The following TBX20 variants were observed in gnomAD, a reference collection of about 807,000 sequenced individuals.
The protein encoded by TBX20 is T-box transcription factor TBX20.
TBX20 carries 8 observed loss-of-function variants against 42.9 expected under a neutral mutation model. The ratio of observed to expected loss-of-function variants is 0.19; its 90% CI spans 0.11 to 0.34. The LOEUF is 0.34. Ranked by LOEUF, TBX20 falls within the 10% of genes least tolerant of loss-of-function variation. The pLI is 1.00. For synonymous variants in TBX20, 198 were observed against 222.8 expected (o/e 0.89, Z 0.99); for missense variants, 411 against 566.0 (o/e 0.73, Z 2.78).
intron 6 of TBX20, among the ~76,000 whole-genome samples, chr7:35,218,769 T>A (rs1789632077): frequency 2.0e-5 from 3 of 152,176 alleles, no homozygotes; most frequent in African/African-American, 7.2e-5. Context: ...CCCCTAAAGA[T>A]TCACGTGTTG....
rs759458240 is a variant in TBX20, at chr7:35,253,610, G to T, written c.11C>A (p.Thr4Lys). 16 of 1,611,676 alleles carry T rather than the reference G, an allele frequency of 9.9e-6. No individual in the cohort carries two copies. Among genetic ancestry groups the T allele is most frequent in the Non-Finnish European group, 1.3e-5 (15 of 1,179,960 alleles). ...GGAGAGTTGGGGCTTGGGGGACGCCGTGAACTCCATGGTCCCCAGCACGCG... is the reference window on the plus strand; with the variant it reads ...GGAGAGTTGGGGCTTGGGGGACGCCTTGAACTCCATGGTCCCCAGCACGCG... Reference protein sequence around the residue: MEFTASPKPQLSSR... With the variant: MEFKASPKPQLSSR... Residue 4 changes from threonine (T) to lysine (K), a missense_variant, in exon 1 of 8, where the codon ACG becomes AAG. By Grantham distance (78) the Thr-to-Lys change is moderately conservative. This residue lies in a region of TBX20 where 114 missense variants were observed against 128.0 expected (regional missense o/e 0.89). Coordinates refer to ENST00000408931, the MANE Select transcript of TBX20 (RefSeq NM_001077653.2).
chr7:35,225,677 C>A (rs1418573274), intron 6 of TBX20, among the ~76,000 whole-genome samples: 1 of 152,162 alleles, frequency 6.6e-6, no homozygotes, highest in Non-Finnish European at 1.5e-5. Context: ...GAATATGTGT[C>A]TTTGAATACT....
Position 35,249,955 on chromosome 7 carries a change from C to T in TBX20, c.376G>A (p.Gly126Ser). 6.2e-7 allele frequency: 1 copy of T among 1,601,882 alleles called. No homozygotes were observed. Among genetic ancestry groups the T allele is most frequent in the South Asian group, 1.1e-5 (1 of 89,060 alleles). ...LGTEMIITKSGRRMFPTIRVS... is the reference protein window; with the variant it reads ...LGTEMIITKSSRRMFPTIRVS... Reference sequence around the variant, plus strand: ...CAACCCCCAAGTCCCAACTACCTGCCCGACTTGGTGATGATCATCTCGGTG... The same window carrying T: ...CAACCCCCAAGTCCCAACTACCTGCTCGACTTGGTGATGATCATCTCGGTG... Residue 126 changes from glycine (G) to serine (S), a missense_variant, in exon 2 of 8, where the codon GGC (glycine) becomes AGC (serine). Around this residue, in one of 5 missense-constraint regions of TBX20, gnomAD observed 12 missense variants for 41.4 expected, o/e 0.29. Transcript: ENST00000408931. The surrounding 1 kb of genome is among the most constrained non-coding windows in gnomAD (Gnocchi z 4.3).
chr7:35,238,958 T>C (rs970842836), intron 5 of TBX20, among the ~76,000 whole-genome samples: 15 of 152,004 alleles, frequency 9.9e-5, no homozygotes, highest in Non-Finnish European at 1.3e-4. Flanking sequence ...CATAACCACA[T>C]GTCTTATTTA....
Position 35,249,894 on chromosome 7 carries a change from ACCCAGGGAGTGTC to A in TBX20, c.380+44_380+56del. ...CTAGTTCCTGGAAGCACCCTCAACTACCCAGGGAGTGTCCTGACTCTCCACCCCCAACCCCCAA... is the reference window on the plus strand; with the variant it reads ...CTAGTTCCTGGAAGCACCCTCAACTACTGACTCTCCACCCCCAACCCCCAA... On this transcript the variant is annotated intron_variant, in intron 2 of 7. Coordinates refer to ENST00000408931, the MANE Select transcript of TBX20 (RefSeq NM_001077653.2). The surrounding 1 kb of genome is among the most constrained non-coding windows in gnomAD (Gnocchi z 4.3). 6.4e-7 allele frequency: 1 copy of A among 1,552,386 alleles called. No individual in the cohort carries two copies. Among genetic ancestry groups the A allele is most frequent in the Non-Finnish European group, 8.7e-7 (1 of 1,145,234 alleles).
chr7:35,221,767 T>C (rs565891193), intron 6 of TBX20, among the ~76,000 whole-genome samples: 35 of 152,244 alleles, frequency 2.3e-4, no homozygotes, highest in African/African-American at 7.7e-4. Context: ...ATTCCAATAA[T>C]TGAAGAGAGT....
chr7:35,245,299 A>AGCAAG (rs1484406185), intron 3 of TBX20, among the ~76,000 whole-genome samples: 8 of 139,224 alleles, frequency 5.7e-5, no homozygotes, highest in Non-Finnish European at 9.4e-5. Context: ...TTAAAAGCTG[A>AGCAAG]GCAAGGCATT....
chr7:35,224,498 C>G (rs1789736999), intron 6 of TBX20, among the ~76,000 whole-genome samples: 1 of 152,298 alleles, frequency 6.6e-6, no homozygotes, highest in South Asian at 2.1e-4. Flanking sequence ...CATGGAGAAA[C>G]TCTGTCTCTA....
At chr7:35,222,244 T>A (rs1789695650) in intron 6 of TBX20, among the ~76,000 whole-genome samples, 1 of 152,214 alleles carries the variant, frequency 6.6e-6, no homozygotes, top group African/African-American at 2.4e-5. Flanking sequence ...GTTATATGAT[T>A]ATTTTGAAAT....
chr7:35,229,412 T>C (rs113619744), intron 6 of TBX20, among the ~76,000 whole-genome samples: 1 of 152,150 alleles, frequency 6.6e-6, no homozygotes, highest in Non-Finnish European at 1.5e-5. Flanking sequence ...AGGCTGTTTA[T>C]GAAAAATTCA....
intron 6 of TBX20, among the ~76,000 whole-genome samples, chr7:35,227,412 C>T (rs373227631): frequency 6.6e-6 from 1 of 152,114 alleles, no homozygotes. Flanking sequence ...GCTCCATTCA[C>T]GGTGAGTGCC....
At chr7:35,244,833 A>C in intron 4 of TBX20, 116 bp downstream of exon 4, 1 of 742,860 alleles carries the variant, frequency 1.3e-6, no homozygotes, top group Non-Finnish European at 2.4e-6. Flanking sequence ...AATGACTCAG[A>C]GATAGAAGGT....
Position 35,248,705 on chromosome 7 carries a change from C to T in TBX20, c.517G>A (p.Gly173Ser). 1 of 1,613,062 alleles carries T rather than the reference C, an allele frequency of 6.2e-7. No homozygotes were observed. ...AYHRSSWLVA[G>S]KADPPLPARL... is the part of the protein sequence containing the mutation. ...GCTGGCAACGGCGGGTCGGCCTTGC[C>T]AGCCACCAGCCAGGAGGACCGGTGG... The change falls in exon 3 of 8, where the codon GGC becomes AGC. Residue 173 changes from glycine to serine, a missense_variant. Gly to Ser is a moderately conservative substitution (Grantham distance 56). Coordinates refer to ENST00000408931, the MANE Select transcript of TBX20 (RefSeq NM_001077653.2).
intron 5 of TBX20, among the ~76,000 whole-genome samples, chr7:35,234,881 T>C (rs1482324338): frequency 2.0e-5 from 3 of 152,114 alleles, no homozygotes; most frequent in Admixed American, 2.0e-4. Context: ...TTATGGGGTA[T>C]TAATAATTAG....
intron 6 of TBX20, among the ~76,000 whole-genome samples, chr7:35,221,834 G>A (rs1274811299): frequency 6.6e-6 from 1 of 152,116 alleles, no homozygotes; most frequent in African/African-American, 2.4e-5. Flanking sequence ...AAAAATAATT[G>A]TGGCCAATCT....
At chr7:35,232,331 G>A (rs1789881677) in intron 5 of TBX20, among the ~76,000 whole-genome samples, 2 of 152,162 alleles carry the variant, frequency 1.3e-5, no homozygotes. Context: ...TATTAGTGTA[G>A]AAAGATCCAT....
At position 35,226,881 on chromosome 7, in the gene TBX20, G is replaced by A. The variant is rs190321665; in HGVS notation, c.890+4623C>T. On this transcript the variant is annotated intron_variant, in intron 6 of 7. Transcript: ENST00000408931. ...ACTTATCAAAAAAAAAAAGTTAACC[G>A]TGAAACAGCCTCAGGCAGATCCTTT... 2.1e-3 allele frequency among the ~76,000 whole-genome samples: 325 copies of A among 151,582 alleles called. 6 individuals are homozygous for A. The highest frequency in any genetic ancestry group is 7.4e-3 in the African/African-American group (306 of 41,306).
intron 6 of TBX20, among the ~76,000 whole-genome samples, chr7:35,217,678 T>A (rs1049887495): frequency 2.0e-5 from 3 of 152,204 alleles, no homozygotes; most frequent in Non-Finnish European, 2.9e-5. Context: ...ACTGTTGTTG[T>A]CAATAGATTT....
At chr7:35,246,892 G>A (rs1790199648) in intron 3 of TBX20, among the ~76,000 whole-genome samples, 1 of 151,880 alleles carries the variant, frequency 6.6e-6, no homozygotes, top group African/African-American at 2.4e-5. Flanking sequence ...ATCTAAAAAA[G>A]CTGAACTAGG....
Sources: allele counts gnomAD v4.1 joint callset (sites outside exome capture counted in the v4.1 genomes callset), GRCh38; gene constraint gnomAD v4.1.1; regional missense constraint gnomAD v4.1.1; non-coding constraint Gnocchi (gnomAD v3.1); transcripts MANE v1.5; gene names NCBI Gene and HGNC (gene_info 2026-07-23, HGNC 2026-07-21).